The following ETV1 variants were observed in gnomAD, a reference collection of about 807,000 sequenced individuals.
ETV1 encodes the protein ETS variant transcription factor 1.
A neutral mutation model predicts 62.3 loss-of-function variants in ETV1; 27 were observed. The ratio of observed to expected loss-of-function variants is 0.43; its 90% CI spans 0.32 to 0.60. The LOEUF is 0.60. Ranked by LOEUF, ETV1 falls within the 20% of genes least tolerant of loss-of-function variation. ETV1 has a pLI of 0.06. For missense variants in ETV1, 605 were observed against 605.8 expected (o/e 1.00, Z 0.01); for synonymous variants, 222 against 199.6 (o/e 1.11, Z -0.94).
chr7:13,920,692 T>C (rs1784746017), intron 9 of ETV1, among the ~76,000 whole-genome samples: 1 of 152,182 alleles, frequency 6.6e-6, no homozygotes, highest in Non-Finnish European at 1.5e-5. Context: ...GACTGTAGTC[T>C]CAACTCTCAA....
chr7:13,983,833 A>C lies in ETV1; in HGVS notation c.181+2805T>G, dbSNP rs190815757. ...GGAATTAACTTTCTTGGTAGAATGC[A>C]AGTATATTTTTACAGAGGACTTTAC... On this transcript the variant is annotated intron_variant, in intron 5 of 13. Coordinates refer to ENST00000430479, the MANE Select transcript of ETV1 (RefSeq NM_004956.5). Among the ~76,000 whole-genome samples, 959 of 151,926 alleles carry C rather than the reference A, an allele frequency of 6.3e-3. 13 individuals are homozygous for C. The highest frequency in any genetic ancestry group is 0.022 in the African/African-American group (904 of 41,498).
intron 5 of ETV1, among the ~76,000 whole-genome samples, 180 bp from the exon 6 acceptor site, chr7:13,977,660 G>C (rs1781587657): frequency 6.6e-6 from 1 of 152,084 alleles, no homozygotes; most frequent in Non-Finnish European, 1.5e-5. Context: ...GAAATGGAAG[G>C]GGATCATTGA....
At chr7:13,908,255 A>T (rs1783182859) in intron 11 of ETV1, among the ~76,000 whole-genome samples, 1 of 152,168 alleles carries the variant, frequency 6.6e-6, no homozygotes, top group African/African-American at 2.4e-5. Context: ...GGAATAAATA[A>T]TCAAGGCAGC....
At chr7:13,930,850 G>T (rs527304763) in intron 9 of ETV1, among the ~76,000 whole-genome samples, 172 of 151,846 alleles carry the variant, frequency 1.1e-3, no homozygotes, top group African/African-American at 4.0e-3. Context: ...ACCCAGGCTG[G>T]AGTGCAGTGG....
chr7:13,959,102 G>C (rs1789844809), intron 6 of ETV1: 1 of 150,112 alleles, frequency 6.7e-6, no homozygotes, highest in African/African-American at 2.4e-5. Context: ...TTAATTTGTA[G>C]TCAGGTAGTA....
At position 13,895,149 on chromosome 7, in the gene ETV1, G is replaced by A. The variant is rs1044938534; in HGVS notation, c.*717C>T. 6 of 233,282 alleles carry A rather than the reference G, an allele frequency of 2.6e-5. No homozygotes were observed. Among genetic ancestry groups the A allele is most frequent in the East Asian group, 6.0e-5 (1 of 16,548 alleles). 14.5% of individuals were successfully genotyped at this position (233,282 alleles called of 1,614,324 possible). A position where few individuals can be genotyped will look rare whatever the true frequency, so the allele number is the denominator to read the frequency against. ...AACAGCAAGGTGGCACCAGATACAC[G>A]TAATGCTACTGGCCTATGACTCAGT... On this transcript the variant is annotated 3_prime_UTR_variant, in exon 14 of 14. Coordinates refer to ENST00000430479, the MANE Select transcript of ETV1 (RefSeq NM_004956.5).
At chr7:13,944,509 C>G (rs566098117) in intron 6 of ETV1, among the ~76,000 whole-genome samples, 1 of 152,178 alleles carries the variant, frequency 6.6e-6, no homozygotes, top group East Asian at 1.9e-4. Context: ...CTTCCAAATA[C>G]CATCACACTG....
intron 11 of ETV1, among the ~76,000 whole-genome samples, chr7:13,908,635 AG>A (rs1783230543): frequency 6.6e-6 from 1 of 152,130 alleles, no homozygotes; most frequent in Non-Finnish European, 1.5e-5. Flanking sequence ...AGGAGGATAA[AG>A]AAGCAGATCT....
rs4027263 is a variant in ETV1, at chr7:13,920,441, AGTGT to A, written c.803-9138_803-9135del. Among the ~76,000 whole-genome samples, 101 of 148,528 alleles carry A rather than the reference AGTGT, an allele frequency of 6.8e-4. No individual in the cohort carries two copies. In the East Asian group the frequency reaches 0.013, roughly 20 times the overall value. On this transcript the variant is annotated intron_variant, in intron 9 of 13. Transcript: ENST00000430479. ...ATGGACATTCCAGAGAGAGTGAGTG[AGTGT>A]GTGTGTGTGTGTGTGTGTGTGTGTT...
chr7:13,940,489 A>T (rs1787371232), intron 6 of ETV1, among the ~76,000 whole-genome samples: 1 of 152,162 alleles, frequency 6.6e-6, no homozygotes. Flanking sequence ...ATAAATGGGA[A>T]ATTGGTTTAA....
chr7:13,919,890 C>CACAG (rs1006139122), intron 9 of ETV1, among the ~76,000 whole-genome samples: 12 of 149,242 alleles, frequency 8.0e-5, no homozygotes, highest in African/African-American at 2.7e-4. Context: ...GACACACACA[C>CACAG]AGAGAGAGAG....
chr7:13,974,405 G>A (rs1039649138), intron 6 of ETV1, among the ~76,000 whole-genome samples: 2 of 152,164 alleles, frequency 1.3e-5, no homozygotes, highest in African/African-American at 4.8e-5. Flanking sequence ...AGAATTTTCC[G>A]TACAGCTAAA....
At chr7:13,923,435 T>C (rs1204640666) in intron 9 of ETV1, among the ~76,000 whole-genome samples, 1 of 152,200 alleles carries the variant, frequency 6.6e-6, no homozygotes, top group Non-Finnish European at 1.5e-5. Context: ...CCCAAGAGTA[T>C]TTAAATTTCT....
chr7:13,901,458 G>A (rs955299925), intron 12 of ETV1, among the ~76,000 whole-genome samples: 2 of 152,132 alleles, frequency 1.3e-5, no homozygotes, highest in Non-Finnish European at 2.9e-5. Context: ...AATGAGGCAC[G>A]TTTTTCATTC....
chr7:13,920,308 A>C (rs1007229594), intron 9 of ETV1, among the ~76,000 whole-genome samples: 12 of 152,156 alleles, frequency 7.9e-5, no homozygotes, highest in African/African-American at 2.9e-4. Context: ...AAGGCCATAA[A>C]TAGTGTCAGG....
chr7:13,950,048 C>T (rs1027679517), intron 6 of ETV1, among the ~76,000 whole-genome samples: 3 of 152,090 alleles, frequency 2.0e-5, no homozygotes, highest in Admixed American at 6.6e-5. Flanking sequence ...ACTCTCATCC[C>T]TTTTTAGGAA....
chr7:13,953,671 T>TA (rs547636006), intron 6 of ETV1, among the ~76,000 whole-genome samples: 1,735 of 128,514 alleles, frequency 0.014, 15 homozygotes, highest in Non-Finnish European at 0.019. Context: ...AAGAACATGT[T>TA]AAAAAAAAAA....
At chr7:13,974,141 G>C (rs1334553733) in intron 6 of ETV1, among the ~76,000 whole-genome samples, 1 of 152,190 alleles carries the variant, frequency 6.6e-6, no homozygotes, top group East Asian at 1.9e-4. Context: ...AGGGTGGCAA[G>C]AAAAGGCTGA....
At chr7:13,903,613 A>G (rs113074448) in intron 12 of ETV1, among the ~76,000 whole-genome samples, 6,010 of 151,842 alleles carry the variant, frequency 0.04, 152 homozygotes, top group Non-Finnish European at 0.06. Flanking sequence ...AAATACAAAA[A>G]TTAGCTGGGT....
Sources: allele counts gnomAD v4.1 joint callset (sites outside exome capture counted in the v4.1 genomes callset), GRCh38; gene constraint gnomAD v4.1.1; transcripts MANE v1.5; gene names NCBI Gene and HGNC (gene_info 2026-07-23, HGNC 2026-07-21).